The following RACGAP1 variants were observed in gnomAD, a reference collection of about 807,000 sequenced individuals.
The protein encoded by RACGAP1 is Rac GTPase activating protein 1, also known as rac GTPase-activating protein 1.
RACGAP1 carries 30 observed loss-of-function variants against 78.1 expected under a neutral mutation model. The observed-to-expected ratio is 0.38, with a 90% CI of 0.29 to 0.52. RACGAP1 has a LOEUF of 0.52. Among genes scored for constraint, RACGAP1 ranks in the 20% least tolerant of loss-of-function variants. RACGAP1 has a pLI of 0.82. For missense variants in RACGAP1, 587 were observed against 777.1 expected, an observed-to-expected ratio of 0.76 and a Z score of 2.91; for synonymous variants, 231 against 264.8, an observed-to-expected ratio of 0.87 and a Z score of 1.24.
At chr12:50,029,209 C>T (rs2137775246), upstream of RACGAP1, among the ~76,000 whole-genome samples, 1 of 134,282 alleles carries the variant, frequency 7.4e-6, no homozygotes, top group African/African-American at 3.3e-5. Flanking sequence ...AAGTGAGACT[C>T]CATCTCAAAA....
chr12:50,020,607 C>T (rs1477706047), intron 1 of RACGAP1, among the ~76,000 whole-genome samples: 1 of 152,132 alleles, frequency 6.6e-6, no homozygotes, highest in Non-Finnish European at 1.5e-5. Context: ...ATATTCTCTC[C>T]AACCCAACAC....
At chr12:50,016,345 G>C (rs1168597672) in intron 2 of RACGAP1, among the ~76,000 whole-genome samples, 5 of 152,092 alleles carry the variant, frequency 3.3e-5, no homozygotes, top group Non-Finnish European at 5.9e-5. Context: ...TGTCGCCACT[G>C]CACTCCAGCC....
intron 7 of RACGAP1, 54 bp downstream of exon 7, chr12:50,001,118 A>C (rs1240189009): frequency 7.5e-7 from 1 of 1,336,646 alleles, no homozygotes; most frequent in Non-Finnish European, 1.1e-6. Context: ...GACTCAGAGA[A>C]GTTTTAATGC....
intron 2 of RACGAP1, among the ~76,000 whole-genome samples, chr12:50,008,191 A>AG (rs950400781): frequency 2.0e-5 from 3 of 147,150 alleles, no homozygotes; most frequent in Non-Finnish European, 4.5e-5. Flanking sequence ...AAAAAAAAAA[A>AG]AAAGATATTA....
chr12:49,993,274 G>A (rs973155818), intron 12 of RACGAP1, among the ~76,000 whole-genome samples: 2 of 152,198 alleles, frequency 1.3e-5, no homozygotes, highest in Admixed American at 6.5e-5. Context: ...GACAACAAAT[G>A]TGAAGGCCTT....
At chr12:50,006,317 A>C in intron 3 of RACGAP1, 117 bp downstream of exon 3, 1 of 1,085,040 alleles carries the variant, frequency 9.2e-7, no homozygotes, top group Non-Finnish European at 1.4e-6. Flanking sequence ...AGAACAGGTC[A>C]CTTTCAGTTC....
intron 1 of RACGAP1, among the ~76,000 whole-genome samples, chr12:50,019,186 C>G (rs2280734): frequency 0.14 from 20,882 of 152,168 alleles, 1,726 homozygotes; most frequent in Non-Finnish European, 0.19. Context: ...ATACCCACCC[C>G]CTTATCACTT....
At chr12:50,030,080 G>A (rs1950318238), upstream of RACGAP1, among the ~76,000 whole-genome samples, 1 of 152,060 alleles carries the variant, frequency 6.6e-6, no homozygotes, top group Admixed American at 6.6e-5. Flanking sequence ...AGACCATCCT[G>A]GGGAATATAT....
chr12:50,026,685 T>C (rs629874), upstream of RACGAP1, among the ~76,000 whole-genome samples: 143,676 of 152,260 alleles, frequency 0.94, 68,274 homozygotes, highest in East Asian at 1. Context: ...AACCCGAAAA[T>C]TTGACTCCAC....
intron 9 of RACGAP1, among the ~76,000 whole-genome samples, chr12:49,997,448 G>A (rs1001406321): frequency 8.6e-5 from 13 of 150,682 alleles, no homozygotes; most frequent in East Asian, 1.9e-4. Context: ...CTAATTTTTC[G>A]TATTTTTAGT....
chr12:50,022,321 G>A (rs886634469), intron 1 of RACGAP1, among the ~76,000 whole-genome samples: 2 of 152,206 alleles, frequency 1.3e-5, no homozygotes, highest in African/African-American at 4.8e-5. Flanking sequence ...GGTGGCTCAC[G>A]CCTGTAATCC....
chr12:50,029,035 G>A (rs1245965435), upstream of RACGAP1, among the ~76,000 whole-genome samples: 1 of 152,086 alleles, frequency 6.6e-6, no homozygotes, highest in East Asian at 1.9e-4. Context: ...GGCCAACATG[G>A]TGAAACCCTG....
chr12:49,998,328 C>T (rs1281843083), intron 9 of RACGAP1, among the ~76,000 whole-genome samples: 1 of 151,168 alleles, frequency 6.6e-6, no homozygotes, highest in African/African-American at 2.4e-5. Flanking sequence ...TGCTTGAACC[C>T]GGGAGGCAGA....
At chr12:50,015,719 G>A (rs1028570322) in intron 2 of RACGAP1, among the ~76,000 whole-genome samples, 13 of 151,546 alleles carry the variant, frequency 8.6e-5, no homozygotes, top group African/African-American at 2.2e-4. Context: ...GGAGAATGGC[G>A]TGAACCCAGG....
At chr12:50,027,394 G>C (rs1420520866), upstream of RACGAP1, among the ~76,000 whole-genome samples, 1 of 152,154 alleles carries the variant, frequency 6.6e-6, no homozygotes, top group East Asian at 1.9e-4. Context: ...TCTGGGGAGT[G>C]GGAGTGTTAA....
At chr12:50,012,791 C>T (rs1267047746) in intron 2 of RACGAP1, among the ~76,000 whole-genome samples, 2 of 149,632 alleles carry the variant, frequency 1.3e-5, no homozygotes, top group Admixed American at 6.7e-5. Flanking sequence ...GGGCCGGGCG[C>T]GGTGGCTCAC....
rs1948498240 is a variant in RACGAP1, at chr12:49,999,225, C to A, written c.795G>T (p.Gln265His). 4 of 1,614,000 alleles carry A rather than the reference C, an allele frequency of 2.5e-6. No individual in the cohort carries two copies. In the African/African-American group the frequency reaches 4.0e-5, roughly 16 times the overall value. ...WNSDSTLNSR[Q>H]LEPRTETDSV... is the part of the protein sequence containing the mutation. ...TGTCTGTCTCAGTTCTTGGCTCCAGCTGCCTGCTGTTCAGGGTGGAGTCAC... is the reference window on the plus strand; with the variant it reads ...TGTCTGTCTCAGTTCTTGGCTCCAGATGCCTGCTGTTCAGGGTGGAGTCAC... Residue 265 changes from glutamine (Q) to histidine (H), a missense_variant, in exon 9 of 17, where the codon CAG becomes CAT. Gln to His is a conservative substitution (Grantham distance 24, BLOSUM62 0). Transcript: ENST00000312377.
At chr12:49,996,803 G>A (rs1390939933) in intron 10 of RACGAP1, among the ~76,000 whole-genome samples, 1 of 151,530 alleles carries the variant, frequency 6.6e-6, no homozygotes, top group Admixed American at 6.6e-5. Context: ...AAGAGGCAAG[G>A]AGAAGCAGGG....
At chr12:49,996,657 A>AAAAAAAAAAAAAAAAAAAAAAG (rs1948298422) in intron 10 of RACGAP1, among the ~76,000 whole-genome samples, 1 of 138,560 alleles carries the variant, frequency 7.2e-6, no homozygotes, top group Non-Finnish European at 1.5e-5. Context: ...AAAAAAAAAA[A>AAAAAAAAAAAAAAAAAAAAAAG]AAAAAAAAAA....
Sources: gnomAD v4.1 joint callset for allele counts (sites outside exome capture counted in the v4.1 genomes callset) on GRCh38, gnomAD v4.1.1 for gene constraint, MANE v1.5 for transcripts, NCBI Gene and HGNC (gene_info 2026-07-23, HGNC 2026-07-21) for gene names.